FRMD5: variants seen among roughly 807,000 people sequenced by gnomAD.
FRMD5 encodes the protein FERM domain containing 5.
In FRMD5, 20 loss-of-function variants were observed where a neutral mutation model predicts 69.0. The observed-to-expected ratio is 0.29, with a 90% CI of 0.20 to 0.42. The LOEUF is 0.42. FRMD5 is among the 10% of genes least tolerant of loss of function. The pLI, the probability that FRMD5 is intolerant of heterozygous loss-of-function variation, is 1.00. For synonymous variants in FRMD5, 271 were observed against 260.1 expected, an observed-to-expected ratio of 1.04 and a Z score of -0.40; for missense variants, 595 against 708.6, an observed-to-expected ratio of 0.84 and a Z score of 1.82.
chr15:44,150,757 C>T (rs1035729438), intron 1 of FRMD5, among the ~76,000 whole-genome samples: 8 of 152,000 alleles, frequency 5.3e-5, no homozygotes, highest in African/African-American at 1.9e-4. Flanking sequence ...CACCACTGTA[C>T]TTTAGCCTGG....
chr15:44,199,008 T>C (rs1043428057), upstream of FRMD5, among the ~76,000 whole-genome samples: 3 of 152,192 alleles, frequency 2.0e-5, no homozygotes, highest in African/African-American at 7.2e-5. Flanking sequence ...CCCCCACGTA[T>C]GCCTGAAAAA....
intron 1 of FRMD5, among the ~76,000 whole-genome samples, chr15:44,011,955 A>T (rs1427236399): frequency 6.6e-6 from 1 of 152,158 alleles, no homozygotes; most frequent in Non-Finnish European, 1.5e-5. Context: ...TTCAAGTGCA[A>T]CAGCTAAAGA....
At chr15:44,105,086 CTTTT>C (rs71299549) in intron 1 of FRMD5, among the ~76,000 whole-genome samples, 5 of 136,922 alleles carry the variant, frequency 3.7e-5, no homozygotes, top group Admixed American at 7.5e-5. Flanking sequence ...AAATTCTTTT[CTTTT>C]TTTTTTTTTT....
At chr15:44,109,170 C>T (rs1210566181) in intron 1 of FRMD5, among the ~76,000 whole-genome samples, 1 of 151,810 alleles carries the variant, frequency 6.6e-6, no homozygotes. Flanking sequence ...TTTTTAATTT[C>T]TAAAATTGGT....
chr15:44,082,726 T>G (rs530006171), intron 1 of FRMD5, among the ~76,000 whole-genome samples: 3 of 151,982 alleles, frequency 2.0e-5, no homozygotes, highest in Non-Finnish European at 4.4e-5. Flanking sequence ...CATTTCAATT[T>G]GCAAGCTCAC....
At chr15:43,911,815 T>TCCTTG (rs1946312966) in intron 4 of FRMD5, among the ~76,000 whole-genome samples, 1 of 152,142 alleles carries the variant, frequency 6.6e-6, no homozygotes, top group Non-Finnish European at 1.5e-5. Flanking sequence ...AAACAGAGGA[T>TCCTTG]TCCTTGTCCA....
At chr15:44,062,273 T>A (rs1893119778) in intron 1 of FRMD5, among the ~76,000 whole-genome samples, 1 of 152,198 alleles carries the variant, frequency 6.6e-6, no homozygotes, top group Non-Finnish European at 1.5e-5. Flanking sequence ...TCAAGTAAGT[T>A]GATTATGAAT....
intron 1 of FRMD5, among the ~76,000 whole-genome samples, chr15:44,062,442 G>A (rs1406099679): frequency 6.6e-6 from 1 of 152,116 alleles, no homozygotes; most frequent in Non-Finnish European, 1.5e-5. Flanking sequence ...TGTAATCCCA[G>A]CACTTTAGGA....
rs141320422 is a variant in FRMD5, at chr15:44,029,577, T to C, written c.103-105268A>G. Among the ~76,000 whole-genome samples, 29 of 152,270 alleles carry C rather than the reference T, an allele frequency of 1.9e-4. No homozygotes were observed. The East Asian group carries it at 5.6e-3, about 29-fold the overall frequency. The stretch of plus-strand genomic sequence containing the variant: ...TACAGAGAAAATATGGTAACTAAAA[T>C]ACAAGCTTATACAGGATTGAGGTGG... On this transcript the variant is annotated intron_variant, in intron 1 of 13. Coordinates refer to ENST00000417257, the MANE Select transcript of FRMD5 (RefSeq NM_032892.5).
intron 3 of FRMD5, 88 bp downstream of exon 3, chr15:43,919,679 T>C: frequency 6.9e-7 from 1 of 1,455,136 alleles, no homozygotes; most frequent in Non-Finnish European, 9.6e-7. Context: ...GGAAATTATA[T>C]ATGTAGATCA....
intron 1 of FRMD5, among the ~76,000 whole-genome samples, chr15:44,130,804 C>T (rs148582239): frequency 6.6e-6 from 1 of 152,062 alleles, no homozygotes. Flanking sequence ...TTACTTACAA[C>T]CTTGACTCTG....
At chr15:44,061,304 A>C (rs1461115762) in intron 1 of FRMD5, among the ~76,000 whole-genome samples, 1 of 152,222 alleles carries the variant, frequency 6.6e-6, no homozygotes, top group Non-Finnish European at 1.5e-5. Flanking sequence ...GGCAGATTTC[A>C]GGGACAAGTC....
At chr15:43,973,281 C>G (rs2090413322) in intron 1 of FRMD5, among the ~76,000 whole-genome samples, 2 of 152,030 alleles carry the variant, frequency 1.3e-5, no homozygotes, top group Admixed American at 1.3e-4. Context: ...CTCGGCCTCC[C>G]AAAGTGCTGG....
At chr15:44,079,674 G>C (rs1835020750) in intron 1 of FRMD5, among the ~76,000 whole-genome samples, 1 of 152,096 alleles carries the variant, frequency 6.6e-6, no homozygotes, top group African/African-American at 2.4e-5. Flanking sequence ...GTTCATAGCA[G>C]TATTATTCAC....
At chr15:44,094,367 C>T (rs995410940) in intron 1 of FRMD5, among the ~76,000 whole-genome samples, 9 of 152,178 alleles carry the variant, frequency 5.9e-5, no homozygotes, top group African/African-American at 1.9e-4. Flanking sequence ...CAGCTGCTCC[C>T]ATTCTTAGGT....
chr15:44,093,864 G>C (rs755011836), intron 1 of FRMD5, among the ~76,000 whole-genome samples: 1 of 151,742 alleles, frequency 6.6e-6, no homozygotes, highest in Non-Finnish European at 1.5e-5. Flanking sequence ...GATCCACCAC[G>C]CCCGGCCCCT....
intron 1 of FRMD5, among the ~76,000 whole-genome samples, chr15:44,140,640 A>G (rs1260857232): frequency 6.6e-6 from 1 of 152,104 alleles, no homozygotes; most frequent in Non-Finnish European, 1.5e-5. Flanking sequence ...GCACTTTAGG[A>G]GGCCGAGGCA....
At chr15:44,196,688 A>ATTT (rs1595582419), upstream of FRMD5, among the ~76,000 whole-genome samples, 2 of 50,166 alleles carry the variant, frequency 4.0e-5, no homozygotes, top group African/African-American at 6.9e-5. Flanking sequence ...TATTTTCCCC[A>ATTT]ATTTTTTTTT....
intron 1 of FRMD5, among the ~76,000 whole-genome samples, chr15:43,991,409 A>G (rs1327902708): frequency 1.3e-5 from 2 of 152,180 alleles, no homozygotes; most frequent in African/African-American, 4.8e-5. Context: ...GTGCATCCAT[A>G]CACATGAGCC....
Sources: allele counts gnomAD v4.1 joint callset (sites outside exome capture counted in the v4.1 genomes callset), GRCh38; gene constraint gnomAD v4.1.1; transcripts MANE v1.5; gene names NCBI Gene and HGNC (gene_info 2026-07-23, HGNC 2026-07-21).